The following SMARCC1 variants were observed in gnomAD, a reference collection of about 807,000 sequenced individuals.
The protein encoded by SMARCC1 is SWI/SNF complex subunit SMARCC1.
In SMARCC1, 43 loss-of-function variants were observed where a neutral mutation model predicts 147.4. The observed-to-expected ratio is 0.29, with a 90% CI of 0.23 to 0.38. SMARCC1 has a LOEUF of 0.38. Ranked by LOEUF, SMARCC1 falls within the 10% of genes least tolerant of loss-of-function variation. The pLI, the probability that SMARCC1 is intolerant of heterozygous loss-of-function variation, is 1.00. For missense variants in SMARCC1, 1,119 were observed against 1,381.1 expected (o/e 0.81, Z 3.01); for synonymous variants, 495 against 484.4 (o/e 1.02, Z -0.29).
intron 21 of SMARCC1, among the ~76,000 whole-genome samples, chr3:47,644,613 T>A (rs2033094462): frequency 6.6e-6 from 1 of 152,138 alleles, no homozygotes; most frequent in African/African-American, 2.4e-5. Flanking sequence ...GTTCAAGCGA[T>A]TCTCGTGCCT....
chr3:47,712,569 T>A (rs1184246634), intron 8 of SMARCC1, among the ~76,000 whole-genome samples: 2 of 152,162 alleles, frequency 1.3e-5, no homozygotes, highest in African/African-American at 2.4e-5. Flanking sequence ...ACACGTATAA[T>A]CTCATTTAAC....
At chr3:47,741,359 G>A (rs1239420013) in intron 3 of SMARCC1, among the ~76,000 whole-genome samples, 1 of 37,740 alleles carries the variant, frequency 2.6e-5, no homozygotes, top group Non-Finnish European at 8.8e-5. Context: ...AACACTCAAC[G>A]ATTTAATATT....
intron 2 of SMARCC1, among the ~76,000 whole-genome samples, chr3:47,759,470 A>C (rs965261017): frequency 6.6e-6 from 1 of 151,112 alleles, no homozygotes; most frequent in Admixed American, 6.6e-5. Context: ...AAAATACAAA[A>C]ATTAGCCGAG....
At chr3:47,750,385 G>T (rs7637372) in intron 2 of SMARCC1, among the ~76,000 whole-genome samples, 1 of 151,996 alleles carries the variant, frequency 6.6e-6, no homozygotes, top group East Asian at 1.9e-4. Flanking sequence ...CAGTGAGCCG[G>T]GATCGCGCCA....
At chr3:47,639,207 G>C (rs1376105865) in intron 21 of SMARCC1, among the ~76,000 whole-genome samples, 2 of 152,148 alleles carry the variant, frequency 1.3e-5, no homozygotes, top group Non-Finnish European at 1.5e-5. Flanking sequence ...ACAGATGCCT[G>C]ACAAGTATGT....
intron 16 of SMARCC1, among the ~76,000 whole-genome samples, 182 bp from the exon 17 acceptor site, chr3:47,676,964 G>A (rs918875135): frequency 6.6e-6 from 1 of 152,146 alleles, no homozygotes; most frequent in African/African-American, 2.4e-5. Context: ...CAAGCCACAA[G>A]TAATGTTGAT....
At chr3:47,650,292 A>T (rs1429225998) in intron 21 of SMARCC1, among the ~76,000 whole-genome samples, 4 of 140,316 alleles carry the variant, frequency 2.9e-5, no homozygotes, top group East Asian at 2.0e-4. Flanking sequence ...TAATAATAAT[A>T]ATAATAATTA....
intron 25 of SMARCC1, among the ~76,000 whole-genome samples, chr3:47,614,755 C>T (rs1301755420): frequency 6.6e-6 from 1 of 152,208 alleles, no homozygotes; most frequent in Non-Finnish European, 1.5e-5. Flanking sequence ...CTCTCTCTAA[C>T]ACAGTAGACA....
intron 21 of SMARCC1, among the ~76,000 whole-genome samples, chr3:47,644,962 C>A (rs2033099023): frequency 6.6e-6 from 1 of 152,062 alleles, no homozygotes; most frequent in African/African-American, 2.4e-5. Flanking sequence ...GGGGAGTCAA[C>A]CCAATCTTGA....
At chr3:47,689,560 C>T in intron 12 of SMARCC1, 136 bp from the exon 13 acceptor site, 1 of 687,440 alleles carries the variant, frequency 1.5e-6, no homozygotes, top group South Asian at 1.7e-5. Context: ...CAAAATCACT[C>T]TGAATAATTC....
At chr3:47,624,060 T>A (rs1318310077) in intron 24 of SMARCC1, among the ~76,000 whole-genome samples, 1 of 151,928 alleles carries the variant, frequency 6.6e-6, no homozygotes, top group Non-Finnish European at 1.5e-5. Flanking sequence ...GAGGCCTAGG[T>A]GGGCAGATCA....
intron 1 of SMARCC1, among the ~76,000 whole-genome samples, chr3:47,779,561 C>T (rs2106885094): frequency 6.6e-6 from 1 of 152,278 alleles, no homozygotes; most frequent in South Asian, 2.1e-4. Context: ...GTAACTTTGT[C>T]TATAAAGTCT....
Position 47,772,927 on chromosome 3 carries a change from C to T in SMARCC1, c.205G>A (p.Ala69Thr). The stretch of plus-strand genomic sequence containing the variant: ...AGTGTTTTATTGGTAGGAGCATCCG[C>T]ATGAACATACTGCAAGATAAAGACA... The part of the protein sequence containing the change: ...LGKHYKKYVH[A>T]DAPTNKTLAG... Residue 69 changes from alanine (A) to threonine (T), a missense_variant, in exon 2 of 28, where the codon GCG (alanine) becomes ACG (threonine). Around this residue, in one of 6 missense-constraint regions of SMARCC1, gnomAD observed 542 missense variants for 611.8 expected, o/e 0.89. Transcript: ENST00000254480. 1.2e-6 allele frequency: 2 copies of T among 1,611,038 alleles called. No individual in the cohort carries two copies. Among genetic ancestry groups the T allele is most frequent in the East Asian group, 2.2e-5 (1 of 44,838 alleles).
At chr3:47,767,299 G>A (rs1264127390) in intron 2 of SMARCC1, among the ~76,000 whole-genome samples, 2 of 146,812 alleles carry the variant, frequency 1.4e-5, no homozygotes, top group Non-Finnish European at 3.0e-5. Flanking sequence ...GAGTGCAATG[G>A]GCACAATCTC....
chr3:47,705,511 C>T (rs2033981379), intron 10 of SMARCC1, among the ~76,000 whole-genome samples: 1 of 151,756 alleles, frequency 6.6e-6, no homozygotes, highest in South Asian at 2.1e-4. Flanking sequence ...TTTAAATGTC[C>T]CTAAAGACTT....
Position 47,701,332 on chromosome 3 carries a change from T to C in SMARCC1, c.1111A>G (p.Met371Val). ...TTGGGTACAGGTGTTGGGTCTTCCA[T>C]ATCCTTGGTTAGATCTTCTTGCTCA... ...EDEQEDLTKD[M>V]EDPTPVPNIE... The change falls in exon 11 of 28, where the codon ATG becomes GTG. Residue 371 changes from methionine (M) to valine (V), a missense_variant. Met to Val is a conservative substitution (Grantham distance 21, BLOSUM62 1). This residue lies in a region of SMARCC1 where 542 missense variants were observed against 611.8 expected (regional missense o/e 0.89). Transcript: ENST00000254480. 3 of 1,613,102 alleles carry C rather than the reference T, an allele frequency of 1.9e-6. No homozygotes were observed. Among genetic ancestry groups the C allele is most frequent in the South Asian group, 1.1e-5 (1 of 91,068 alleles).
At chr3:47,780,676 G>GTT (rs1408983473) in intron 1 of SMARCC1, among the ~76,000 whole-genome samples, 1 of 152,212 alleles carries the variant, frequency 6.6e-6, no homozygotes, top group Non-Finnish European at 1.5e-5. Context: ...AGTGAACAAA[G>GTT]CCCTTGCTTC....
At position 47,781,863 on chromosome 3, in the gene SMARCC1, C is replaced by G; in HGVS notation, c.-66G>C. ...CCTCGCGGTGTTTCCCGGTCGTTCC[C>G]GCGCGCACCCCCGCGCGCGTAGCCG... On this transcript the variant is annotated 5_prime_UTR_variant, in exon 1 of 28. Transcript: ENST00000254480. 1 of 1,124,658 alleles carries G rather than the reference C, an allele frequency of 8.9e-7. No individual in the cohort carries two copies. The highest frequency in any genetic ancestry group is 3.0e-4 in the Middle Eastern group (1 of 3,288). 69.7% of individuals were successfully genotyped at this position (1,124,658 alleles called of 1,614,324 possible).
intron 13 of SMARCC1, among the ~76,000 whole-genome samples, chr3:47,687,476 T>C (rs2033739924): frequency 6.6e-6 from 1 of 152,144 alleles, no homozygotes; most frequent in Admixed American, 6.5e-5. Flanking sequence ...GAAGATGACA[T>C]TGTGGGAGAC....
Sources: gnomAD v4.1 joint callset for allele counts (sites outside exome capture counted in the v4.1 genomes callset) on GRCh38, gnomAD v4.1.1 for gene constraint, gnomAD v4.1.1 regional missense constraint, MANE v1.5 for transcripts, NCBI Gene and HGNC (gene_info 2026-07-23, HGNC 2026-07-21) for gene names.